Variants in PIGU observed in about 807,000 individuals in gnomAD.
The protein encoded by PIGU is GPI-anchor transamidase component PIGU.
PIGU carries 24 observed loss-of-function variants against 49.9 expected under a neutral mutation model. That is an observed-to-expected ratio of 0.48 (90% CI 0.35 to 0.68). The LOEUF (loss-of-function observed/expected upper bound fraction) is 0.68. Ranked by LOEUF, PIGU falls within the 30% of genes least tolerant of loss-of-function variation. The pLI is 0.01. For missense variants in PIGU, 490 were observed against 532.6 expected (o/e 0.92, Z 0.79); for synonymous variants, 220 against 205.7 (o/e 1.07, Z -0.59).
intron 11 of PIGU, among the ~76,000 whole-genome samples, chr20:34,572,934 T>G (rs1328591708): frequency 6.6e-6 from 1 of 152,172 alleles, no homozygotes. Flanking sequence ...CATACCAAAC[T>G]GATCCCAAAG....
chr20:34,571,183 C>T (rs1394971978), intron 11 of PIGU, among the ~76,000 whole-genome samples: 3 of 152,152 alleles, frequency 2.0e-5, no homozygotes, highest in East Asian at 1.9e-4. Flanking sequence ...CACACTCAGG[C>T]GCACCCCCCA....
At chr20:34,613,219 T>C (rs992151659) in intron 7 of PIGU, among the ~76,000 whole-genome samples, 2 of 152,108 alleles carry the variant, frequency 1.3e-5, no homozygotes, top group Non-Finnish European at 2.9e-5. Flanking sequence ...TTCTAAGCTT[T>C]CCCAACTTCA....
At chr20:34,603,857 G>GACACACACACACAC (rs1375311427) in intron 7 of PIGU, among the ~76,000 whole-genome samples, 2 of 70,746 alleles carry the variant, frequency 2.8e-5, no homozygotes, top group African/African-American at 1.2e-4. Flanking sequence ...CCTTTTAGTG[G>GACACACACACACAC]ACAGACACAC....
intron 9 of PIGU, among the ~76,000 whole-genome samples, chr20:34,584,902 G>C (rs1983636393): frequency 6.6e-6 from 1 of 152,200 alleles, no homozygotes; most frequent in East Asian, 1.9e-4. Flanking sequence ...TGGTCAGGCT[G>C]ATCTCCAACT....
At chr20:34,607,742 T>C (rs1984669882) in intron 7 of PIGU, among the ~76,000 whole-genome samples, 1 of 152,182 alleles carries the variant, frequency 6.6e-6, no homozygotes, top group African/African-American at 2.4e-5. Flanking sequence ...CCAGGGATCA[T>C]GAGTACCCCA....
At chr20:34,632,806 A>G (rs1217077186) in intron 6 of PIGU, among the ~76,000 whole-genome samples, 1 of 152,180 alleles carries the variant, frequency 6.6e-6, no homozygotes, top group Non-Finnish European at 1.5e-5. Context: ...TGACAGCTTT[A>G]TACCAGGCCC....
intron 10 of PIGU, among the ~76,000 whole-genome samples, chr20:34,580,614 G>A (rs184207544): frequency 9.2e-5 from 14 of 152,312 alleles, no homozygotes; most frequent in African/African-American, 3.1e-4. Context: ...TCCATGCCTC[G>A]TTTAGAGAAT....
Position 34,645,275 on chromosome 20 carries a change from C to T in PIGU, c.255G>A (p.Met85Ile). Reference sequence around the variant, plus strand: ...CAATTTTATATGGAAGGTTACTTACCATAAACACCAATTCAGCATAGTCAA... The same window carrying T: ...CAATTTTATATGGAAGGTTACTTACTATAAACACCAATTCAGCATAGTCAA... ...FLIDYAELVF[M>I]ITDALTAIAL... The change falls in exon 3 of 12, where the codon ATG (methionine) becomes ATA (isoleucine). Residue 85 changes from methionine (M) to isoleucine (I), a missense_variant and splice_region_variant. Physicochemically the swap from Met to Ile is conservative, Grantham distance 10. Transcript: ENST00000217446. The T allele has an allele frequency of 6.4e-7, 1 of 1,562,012 alleles. No individual in the cohort carries two copies. Among genetic ancestry groups the T allele is most frequent in the Non-Finnish European group, 8.6e-7 (1 of 1,161,264 alleles).
chr20:34,617,244 C>T (rs149876957), intron 6 of PIGU, among the ~76,000 whole-genome samples: 334 of 152,308 alleles, frequency 2.2e-3, no homozygotes, highest in African/African-American at 7.6e-3. Context: ...CCTCCAGATT[C>T]CAGAATGGTA....
intron 11 of PIGU, among the ~76,000 whole-genome samples, chr20:34,564,898 A>G (rs927636973): frequency 6.6e-6 from 1 of 152,212 alleles, no homozygotes; most frequent in African/African-American, 2.4e-5. Flanking sequence ...CCTGGGTGTC[A>G]TCAGTCCTGA....
chr20:34,657,314 C>T, intron 1 of PIGU, 70 bp from the exon 2 acceptor site: 1 of 1,177,050 alleles, frequency 8.5e-7, no homozygotes, highest in South Asian at 1.3e-5. Flanking sequence ...TAGATACCCC[C>T]ACAACCAAAA....
At chr20:34,581,726 C>T (rs1389973250) in intron 9 of PIGU, 54 bp from the exon 10 acceptor site, 1 of 1,586,484 alleles carries the variant, frequency 6.3e-7, no homozygotes, top group Non-Finnish European at 8.6e-7. Flanking sequence ...CCAGGCCTAC[C>T]CTAGAGACTC....
chr20:34,611,648 G>GAAAAAAAAAAAAAAAAGACAAA (rs1984816142), intron 7 of PIGU, among the ~76,000 whole-genome samples: 1 of 65,010 alleles, frequency 1.5e-5, no homozygotes, highest in African/African-American at 5.6e-5. Context: ...TCAAGTCTCA[G>GAAAAAAAAAAAAAAAAGACAAA]AAAAAAAAAA....
At chr20:34,588,069 T>C (rs1465594797) in intron 8 of PIGU, among the ~76,000 whole-genome samples, 1 of 152,122 alleles carries the variant, frequency 6.6e-6, no homozygotes, top group Non-Finnish European at 1.5e-5. Flanking sequence ...CTGGCTAACA[T>C]GGTGAAACCC....
intron 8 of PIGU, among the ~76,000 whole-genome samples, chr20:34,586,671 G>A (rs1218994405): frequency 6.6e-6 from 1 of 152,198 alleles, no homozygotes; most frequent in Non-Finnish European, 1.5e-5. Context: ...CTGGCACGCA[G>A]AGGGCATTCG....
intron 11 of PIGU, among the ~76,000 whole-genome samples, chr20:34,563,107 G>A (rs553024997): frequency 1.3e-5 from 2 of 152,196 alleles, no homozygotes; most frequent in South Asian, 4.2e-4. Flanking sequence ...TTGAATACTG[G>A]CAATTTCATA....
At chr20:34,612,685 G>A (rs1347886044) in intron 7 of PIGU, among the ~76,000 whole-genome samples, 1 of 149,320 alleles carries the variant, frequency 6.7e-6, no homozygotes, top group Non-Finnish European at 1.5e-5. Context: ...ATGCGGTGGT[G>A]CGATCTAGGC....
At chr20:34,587,968 C>T (rs1462868074) in intron 8 of PIGU, among the ~76,000 whole-genome samples, 1 of 152,166 alleles carries the variant, frequency 6.6e-6, no homozygotes, top group Non-Finnish European at 1.5e-5. Context: ...GGAGTGCAGA[C>T]AAATCTTCAA....
rs573867155 is a variant in PIGU at position 34,676,940 on chromosome 20, G to C, written c.130+16C>G. ...GCAGGTGGGGCCTGACAGTCTGCTC[G>C]AGCCAGTGGCCTCACCTCTCTTCCA... On this transcript the variant is annotated intron_variant, in intron 1 of 11. Transcript: ENST00000217446. 13 of 1,562,864 alleles carry C rather than the reference G, an allele frequency of 8.3e-6. No individual in the cohort carries two copies. Among genetic ancestry groups the C allele is most frequent in the South Asian group, 1.2e-5 (1 of 84,966 alleles).
Sources: gnomAD v4.1 joint callset for allele counts (sites outside exome capture counted in the v4.1 genomes callset) on GRCh38, gnomAD v4.1.1 for gene constraint, MANE v1.5 for transcripts, NCBI Gene and HGNC (gene_info 2026-07-23, HGNC 2026-07-21) for gene names.